PDILT: variants seen among roughly 807,000 people sequenced by gnomAD.
PDILT encodes protein disulfide-isomerase-like protein of the testis.
In PDILT, 43 loss-of-function variants were observed where a neutral mutation model predicts 53.7. The observed-to-expected ratio is 0.80, with a 90% CI of 0.63 to 1.03. The LOEUF (loss-of-function observed/expected upper bound fraction) is 1.03, where lower values mean the gene tolerates loss of function less well. Among genes scored for constraint, PDILT ranks in the 50% least tolerant of loss-of-function variants. The probability of loss-of-function intolerance (pLI) is 0.00; values close to 1 mark genes in which losing one functional copy is unlikely to be tolerated. For synonymous variants in PDILT, 282 were observed against 274.2 expected, an observed-to-expected ratio of 1.03 and a Z score of -0.28; for missense variants, 727 against 712.3, an observed-to-expected ratio of 1.02 and a Z score of -0.24.
chr16:20,389,271 A>G (rs1966578048), intron 2 of PDILT, among the ~76,000 whole-genome samples: 1 of 152,072 alleles, frequency 6.6e-6, no homozygotes, highest in Non-Finnish European at 1.5e-5. Flanking sequence ...CTTGTGGCCC[A>G]GGAAAGTTGT....
chr16:20,362,121 G>C (rs544389642), intron 10 of PDILT, among the ~76,000 whole-genome samples: 19 of 152,172 alleles, frequency 1.2e-4, no homozygotes, highest in Non-Finnish European at 2.1e-4. Flanking sequence ...ATGCTAGCAG[G>C]AACCATATAA....
chr16:20,383,678 C>T (rs12598706), intron 3 of PDILT, among the ~76,000 whole-genome samples: 52,438 of 152,092 alleles, frequency 0.34, 11,678 homozygotes, highest in Non-Finnish European at 0.5. Flanking sequence ...TGGAAGCTGG[C>T]TATACACCAG....
rs141543381 is a variant in PDILT at position 20,365,495 on chromosome 16, G to A, written c.1162C>T (p.Leu388=). Residue 388 remains leucine, a synonymous_variant, in exon 9 of 12, where the codon CTG becomes TTG. Coordinates refer to ENST00000302451, the MANE Select transcript of PDILT (RefSeq NM_174924.2). Reference sequence around the variant, plus strand: ...TTCTTCCCCACGAGCTGCTTAACCAGTCCCTGGTCCCAGTATTTTGGAATC... The same window carrying A: ...TTCTTCCCCACGAGCTGCTTAACCAATCCCTGGTCCCAGTATTTTGGAATC... ...EEIPKYWDQG[L]VKQLVGKNFN... The A allele has an allele frequency of 1.9e-4, 307 of 1,614,024 alleles. 2 individuals are homozygous for A. In the East Asian group the frequency reaches 2.9e-3, roughly 15 times the overall value.
At chr16:20,389,674 G>T (rs1027864954) in intron 2 of PDILT, among the ~76,000 whole-genome samples, 4 of 152,164 alleles carry the variant, frequency 2.6e-5, no homozygotes, top group Non-Finnish European at 5.9e-5. Context: ...TGCTTGGTGT[G>T]TAGATGTGTT....
chr16:20,369,209 G>A (rs1327854035), intron 8 of PDILT, among the ~76,000 whole-genome samples: 1 of 152,216 alleles, frequency 6.6e-6, no homozygotes, highest in Non-Finnish European at 1.5e-5. Flanking sequence ...CTTTCAGAGT[G>A]CAAGTTAACA....
chr16:20,379,979 A>T (rs1596589050), intron 3 of PDILT, among the ~76,000 whole-genome samples: 4 of 152,310 alleles, frequency 2.6e-5, no homozygotes, highest in East Asian at 3.9e-4. Context: ...GGTTTCTCTT[A>T]TATGCTTTTG....
At position 20,372,924 on chromosome 16, in the gene PDILT, T is replaced by G. The variant is rs760272658; in HGVS notation, c.796A>C (p.Lys266Gln). ...ATGTGCAACTCGGAAATCAGATCCT[T>G]ATTCTGAAATGACCAGGAAAATATG... Reference protein sequence around the residue: ...DFVIEYNTENKDLISELHIMS... With the variant: ...DFVIEYNTENQDLISELHIMS... Residue 266 changes from lysine to glutamine, a missense_variant, in exon 7 of 12, where the codon AAG becomes CAG. By Grantham distance (53) the Lys-to-Gln change is moderately conservative. Coordinates refer to ENST00000302451, the MANE Select transcript of PDILT (RefSeq NM_174924.2). The G allele has an allele frequency of 2.5e-6, 4 of 1,613,966 alleles. No homozygotes were observed. The highest frequency in any genetic ancestry group is 1.7e-6 in the Non-Finnish European group (2 of 1,179,974).
rs2141611117 is a variant in PDILT at position 20,384,797 on chromosome 16, A to G, written c.257T>C (p.Val86Ala). ...RNLAEELGKA[V>A]EIMGKGKNGI... is the part of the protein sequence containing the mutation. ...ATTCTTGCCTTTGCCCATGATCTCCACAGCTTTGCCCAGCTCTTCCGCCAA... is the reference window on the plus strand; with the variant it reads ...ATTCTTGCCTTTGCCCATGATCTCCGCAGCTTTGCCCAGCTCTTCCGCCAA... Residue 86 changes from valine to alanine, a missense_variant, in exon 3 of 12, where the codon GTG (valine) becomes GCG (alanine). Transcript: ENST00000302451. The G allele has an allele frequency of 1.2e-6, 2 of 1,614,082 alleles. No individual in the cohort carries two copies. The highest frequency in any genetic ancestry group is 1.6e-4 in the Middle Eastern group (1 of 6,062).
At chr16:20,394,976 G>T (rs1328810633) in intron 2 of PDILT, among the ~76,000 whole-genome samples, 1 of 152,196 alleles carries the variant, frequency 6.6e-6, no homozygotes, top group Non-Finnish European at 1.5e-5. Flanking sequence ...AGTAAACACA[G>T]TGATCTTTAA....
chr16:20,366,517 G>C (rs1170629506), intron 8 of PDILT, among the ~76,000 whole-genome samples: 1 of 151,944 alleles, frequency 6.6e-6, no homozygotes, highest in Non-Finnish European at 1.5e-5. Context: ...CTAATTATTT[G>C]ATTAATGTGT....
intron 7 of PDILT, among the ~76,000 whole-genome samples, chr16:20,371,915 G>A (rs1966312515): frequency 6.6e-6 from 1 of 151,780 alleles, no homozygotes; most frequent in Admixed American, 6.6e-5. Flanking sequence ...ATAATGTGGT[G>A]GAATGTAGCA....
intron 5 of PDILT, 34 bp from the exon 6 acceptor site, chr16:20,373,156 T>A: frequency 6.4e-7 from 1 of 1,551,438 alleles, no homozygotes; most frequent in Non-Finnish European, 8.9e-7. Context: ...TGGAGGACAG[T>A]AGCTTTCATG....
intron 2 of PDILT, among the ~76,000 whole-genome samples, chr16:20,396,610 GAGAACGTCACTCAGCTGCTGCAGTTGAA>G (rs1966665676): frequency 6.6e-6 from 1 of 152,246 alleles, no homozygotes; most frequent in African/African-American, 2.4e-5. Flanking sequence ...AACCAAGCCA[GAGAACGTCACTCAGCTGCTGCAGTTGAA>G]AGAATCACTT....
chr16:20,384,043 T>A (rs1966496843), intron 3 of PDILT, among the ~76,000 whole-genome samples: 1 of 152,226 alleles, frequency 6.6e-6, no homozygotes. Flanking sequence ...AGACATTGCA[T>A]CCCAAGCCTG....
intron 2 of PDILT, among the ~76,000 whole-genome samples, chr16:20,385,775 C>T (rs1040767081): frequency 1.3e-5 from 2 of 152,058 alleles, no homozygotes; most frequent in Non-Finnish European, 2.9e-5. Flanking sequence ...AGCATAGACA[C>T]GATGATCACA....
chr16:20,362,627 C>G (rs2141699013), intron 9 of PDILT, 45 bp from the exon 10 acceptor site: 1 of 1,599,876 alleles, frequency 6.3e-7, no homozygotes, highest in East Asian at 2.2e-5. Context: ...GATGAAGATC[C>G]AGAAAGCTGG....
intron 2 of PDILT, among the ~76,000 whole-genome samples, chr16:20,394,312 G>C (rs1314419428): frequency 6.6e-6 from 1 of 152,206 alleles, no homozygotes; most frequent in African/African-American, 2.4e-5. Flanking sequence ...TATTCCACCA[G>C]GCTGCCTCTC....
intron 2 of PDILT, among the ~76,000 whole-genome samples, chr16:20,397,968 T>C (rs1039936174): frequency 9.9e-5 from 15 of 152,046 alleles, no homozygotes; most frequent in African/African-American, 3.1e-4. Flanking sequence ...AATCCTACCA[T>C]ACAGAACATG....
chr16:20,374,908 G>C lies in PDILT; in HGVS notation c.595C>G (p.Pro199Ala). 9 of 1,614,080 alleles carry C rather than the reference G, an allele frequency of 5.6e-6. No homozygotes were observed. The highest frequency in any genetic ancestry group is 7.6e-6 in the Non-Finnish European group (9 of 1,179,958). ...GTTATGACTCCAAACGTTAGCTCTG[G>C]AAAGTCTTTGATCACATCATAGAAC... ...ELFYDVIKDF[P>A]ELTFGVITIG... is the part of the protein sequence containing the mutation. Residue 199 changes from proline (P) to alanine (A), a missense_variant, in exon 5 of 12, where the codon CCA (proline) becomes GCA (alanine). Transcript: ENST00000302451.
Sources: gnomAD v4.1 joint callset for allele counts (sites outside exome capture counted in the v4.1 genomes callset) on GRCh38, gnomAD v4.1.1 for gene constraint, MANE v1.5 for transcripts, NCBI Gene and HGNC (gene_info 2026-07-23, HGNC 2026-07-21) for gene names.